SPAST: variants seen among roughly 807,000 people sequenced by gnomAD.
The protein encoded by SPAST is spastin, also known as spastic paraplegia 4 (autosomal dominant; spastin).
SPAST carries 30 observed loss-of-function variants against 76.6 expected under a neutral mutation model. The ratio of observed to expected loss-of-function variants is 0.39; its 90% CI spans 0.29 to 0.53. The LOEUF (loss-of-function observed/expected upper bound fraction) is 0.53. Among genes scored for constraint, SPAST ranks in the 20% least tolerant of loss-of-function variants. The pLI is 0.68. For synonymous variants in SPAST, 305 were observed against 281.0 expected (o/e 1.09, Z -0.86); for missense variants, 717 against 770.5 (o/e 0.93, Z 0.82).
In SPAST at chr2:32,116,101, T is replaced by C. The variant is rs892342584; in HGVS notation, c.1005-18T>C. 4.4e-6 allele frequency: 7 copies of C among 1,577,326 alleles called. No individual in the cohort carries two copies. The East Asian group carries it at 1.6e-4, about 35-fold the overall frequency. On this transcript the variant is annotated intron_variant, in intron 6 of 16. Coordinates refer to ENST00000315285, the MANE Select transcript of SPAST (RefSeq NM_014946.4). ...GCCCTGTTTGTATCGTAGAACTAAC[T>C]GAGGTCTTGTTTCTTAGTGGAACAG...
chr2:32,117,178 G>C (rs910319522), intron 7 of SPAST, among the ~76,000 whole-genome samples: 2 of 151,792 alleles, frequency 1.3e-5, no homozygotes, highest in African/African-American at 4.8e-5. Context: ...GCTTGAACCC[G>C]GGAGGCGGAG....
chr2:32,118,108 A>G (rs1401934137), intron 7 of SPAST, among the ~76,000 whole-genome samples: 3 of 152,188 alleles, frequency 2.0e-5, no homozygotes, highest in Admixed American at 6.5e-5. Context: ...TTATTTCACT[A>G]TTAACATTAA....
chr2:32,110,571 GTA>G (rs199985948), intron 4 of SPAST, among the ~76,000 whole-genome samples: 7 of 89,256 alleles, frequency 7.8e-5, no homozygotes, highest in South Asian at 3.8e-4. Flanking sequence ...TGTATATATA[GTA>G]TATATATAGT....
chr2:32,130,802 C>G (rs887792559), intron 9 of SPAST, among the ~76,000 whole-genome samples: 11 of 151,600 alleles, frequency 7.3e-5, no homozygotes, highest in Non-Finnish European at 1.2e-4. Flanking sequence ...CCATGAGAGG[C>G]TCAAAGGATA....
intron 7 of SPAST, among the ~76,000 whole-genome samples, chr2:32,121,639 C>T (rs1174608690): frequency 2.8e-5 from 4 of 143,932 alleles, no homozygotes; most frequent in African/African-American, 7.8e-5. Context: ...CTCCTGGGTT[C>T]GAGTGATTCT....
intron 16 of SPAST, 132 bp downstream of exon 16, chr2:32,147,390 T>C (rs912041318): frequency 2.2e-5 from 13 of 592,492 alleles, no homozygotes; most frequent in African/African-American, 6.2e-5. Flanking sequence ...TGGCATGATA[T>C]CGGCTCACTG....
intron 1 of SPAST, among the ~76,000 whole-genome samples, chr2:32,074,933 T>G (rs1676893921): frequency 6.6e-6 from 1 of 152,180 alleles, no homozygotes; most frequent in Admixed American, 6.6e-5. Flanking sequence ...GCTGAGATGT[T>G]TTTTTAAATG....
intron 7 of SPAST, among the ~76,000 whole-genome samples, chr2:32,118,057 A>G (rs1371051182): frequency 6.6e-6 from 1 of 152,160 alleles, no homozygotes; most frequent in East Asian, 1.9e-4. Context: ...TTCCAATAAT[A>G]TTGCAAAAAA....
chr2:32,099,333 T>C (rs1272516060), intron 4 of SPAST, among the ~76,000 whole-genome samples: 1 of 152,200 alleles, frequency 6.6e-6, no homozygotes, highest in Non-Finnish European at 1.5e-5. Context: ...TAGTACTTGA[T>C]AGAAGAAATT....
At chr2:32,137,221 A>T in intron 12 of SPAST, 33 bp downstream of exon 12, 2 of 1,414,964 alleles carry the variant, frequency 1.4e-6, no homozygotes, top group Non-Finnish European at 2.0e-6. Flanking sequence ...ACATGCATTT[A>T]TTACAGACAA....
chr2:32,067,207 G>A lies in SPAST; in HGVS notation c.415+2961G>A, dbSNP rs564568098. ...CTCCTGAGCAGCTGGGATTACAGGTGTATGCCACCACGCCCAGCTAATTTT... is the reference window on the plus strand; with the variant it reads ...CTCCTGAGCAGCTGGGATTACAGGTATATGCCACCACGCCCAGCTAATTTT... On this transcript the variant is annotated intron_variant, in intron 1 of 16. Transcript: ENST00000315285. Among the ~76,000 whole-genome samples the A allele has an allele frequency of 3.3e-5, 5 of 152,176 alleles. No individual in the cohort carries two copies. The South Asian group carries it at 1.0e-3, about 32-fold the overall frequency.
intron 1 of SPAST, among the ~76,000 whole-genome samples, chr2:32,074,551 G>A (rs1462241298): frequency 6.6e-6 from 1 of 151,666 alleles, no homozygotes; most frequent in Non-Finnish European, 1.5e-5. Flanking sequence ...TGTCACCCAG[G>A]CTGGAGTTCA....
chr2:32,128,528 T>C (rs370832458), intron 9 of SPAST, 49 bp downstream of exon 9: 3 of 1,153,452 alleles, frequency 2.6e-6, no homozygotes, highest in East Asian at 4.7e-5. Flanking sequence ...ACTGTCTAAA[T>C]GTTACTGTGT....
chr2:32,126,114 G>A (rs1468193393), intron 7 of SPAST, among the ~76,000 whole-genome samples: 2 of 152,126 alleles, frequency 1.3e-5, no homozygotes, highest in African/African-American at 4.8e-5. Flanking sequence ...CAGTTCCTCT[G>A]TTTTTGACTG....
intron 7 of SPAST, among the ~76,000 whole-genome samples, chr2:32,118,084 C>A (rs1678902425): frequency 1.3e-5 from 2 of 152,138 alleles, no homozygotes; most frequent in Admixed American, 1.3e-4. Context: ...TGAAGACTCA[C>A]TTCTGGGTCA....
intron 7 of SPAST, among the ~76,000 whole-genome samples, chr2:32,123,027 C>G (rs920482811): frequency 6.6e-6 from 1 of 152,002 alleles, no homozygotes; most frequent in Non-Finnish European, 1.5e-5. Context: ...TTTGGGAGGC[C>G]GAGGTGGGCA....
At chr2:32,149,430 C>A (rs1023367729) in intron 16 of SPAST, among the ~76,000 whole-genome samples, 1 of 151,906 alleles carries the variant, frequency 6.6e-6, no homozygotes, top group African/African-American at 2.4e-5. Flanking sequence ...TGGAAGACCT[C>A]CTTATGAGAT....
chr2:32,071,285 C>T (rs577144780), intron 1 of SPAST, among the ~76,000 whole-genome samples: 3 of 152,148 alleles, frequency 2.0e-5, no homozygotes, highest in Admixed American at 1.3e-4. Context: ...GATCAGGCAT[C>T]GAAGACAGAA....
At chr2:32,149,336 C>T (rs866448558) in intron 16 of SPAST, among the ~76,000 whole-genome samples, 4 of 150,294 alleles carry the variant, frequency 2.7e-5, no homozygotes, top group African/African-American at 9.8e-5. Flanking sequence ...TGACCTCAGG[C>T]GATCGCCAGC....
Sources: allele counts gnomAD v4.1 joint callset (sites outside exome capture counted in the v4.1 genomes callset), GRCh38; gene constraint gnomAD v4.1.1; transcripts MANE v1.5; gene names NCBI Gene and HGNC (gene_info 2026-07-23, HGNC 2026-07-21).